Variants in CAAP1 observed in about 807,000 individuals in gnomAD.
CAAP1 encodes the protein conserved anti-apoptotic protein.
CAAP1 carries 20 observed loss-of-function variants against 34.0 expected under a neutral mutation model. The observed-to-expected ratio is 0.59, with a 90% CI of 0.41 to 0.86. The LOEUF is 0.86. Among genes scored for constraint, CAAP1 ranks in the 40% least tolerant of loss-of-function variants. CAAP1 has a pLI of 0.00. For synonymous variants in CAAP1, 213 were observed against 166.7 expected, an observed-to-expected ratio of 1.28 and a Z score of -2.14; for missense variants, 538 against 450.5, an observed-to-expected ratio of 1.19 and a Z score of -1.76.
At chr9:26,892,212 A>C (rs1823920708) in intron 1 of CAAP1, 1 of 1,389,404 alleles carries the variant, frequency 7.2e-7, no homozygotes, top group Non-Finnish European at 9.5e-7. Context: ...GAAATCCAGA[A>C]ACTTGAAGTT....
chr9:26,864,287 T>A (rs992968908), intron 4 of CAAP1, among the ~76,000 whole-genome samples: 1 of 152,114 alleles, frequency 6.6e-6, no homozygotes, highest in African/African-American at 2.4e-5. Flanking sequence ...AGTAATACAC[T>A]GGGGAGATCT....
intron 5 of CAAP1, among the ~76,000 whole-genome samples, chr9:26,857,161 G>C (rs1587096916): frequency 1.3e-5 from 2 of 152,196 alleles, no homozygotes; most frequent in South Asian, 4.1e-4. Context: ...ATGAAAAGCA[G>C]CAATCTCTGA....
intron 4 of CAAP1, among the ~76,000 whole-genome samples, chr9:26,866,142 CAT>C (rs1289983713): frequency 6.6e-6 from 1 of 151,752 alleles, no homozygotes; most frequent in Non-Finnish European, 1.5e-5. Context: ...CCACCACACA[CAT>C]GGCCAGTAAA....
At position 26,842,651 on chromosome 9, in the gene CAAP1, T is replaced by C; in HGVS notation, c.740-4A>G. ...ACATCACTATCTTCCCCTTTTCCTG[T>C]AACCAAAAAAGGAGAAAGATCCATG... is the stretch of plus-strand genomic sequence containing the variant. On this transcript the variant is annotated splice_region_variant and splice_polypyrimidine_tract_variant and intron_variant, in intron 5 of 5. Transcript: ENST00000333916. 1 of 1,575,746 alleles carries C rather than the reference T, an allele frequency of 6.3e-7. No homozygotes were observed.
chr9:26,871,464 C>A (rs1780038109), intron 4 of CAAP1, among the ~76,000 whole-genome samples: 1 of 151,708 alleles, frequency 6.6e-6, no homozygotes, highest in African/African-American at 2.4e-5. Context: ...GTAATCCCAG[C>A]TACTCAGGAG....
At chr9:26,881,392 T>A (rs1823590231) in intron 4 of CAAP1, among the ~76,000 whole-genome samples, 1 of 152,218 alleles carries the variant, frequency 6.6e-6, no homozygotes, top group Non-Finnish European at 1.5e-5. Flanking sequence ...AATTCCCACA[T>A]ATTGTAGGAG....
At chr9:26,871,163 T>C (rs1344569532) in intron 4 of CAAP1, among the ~76,000 whole-genome samples, 3 of 152,220 alleles carry the variant, frequency 2.0e-5, no homozygotes, top group African/African-American at 7.2e-5. Context: ...TACATACATA[T>C]TCAGGGAATA....
At chr9:26,878,087 G>T (rs1823489368) in intron 4 of CAAP1, among the ~76,000 whole-genome samples, 1 of 151,970 alleles carries the variant, frequency 6.6e-6, no homozygotes, top group Non-Finnish European at 1.5e-5. Context: ...GATCTAATTT[G>T]GGACTTAATG....
At chr9:26,883,406 TC>T (rs1823649814) in intron 4 of CAAP1, among the ~76,000 whole-genome samples, 1 of 152,164 alleles carries the variant, frequency 6.6e-6, no homozygotes, top group African/African-American at 2.4e-5. Context: ...TTGTGAGGCA[TC>T]CCCAGTCATG....
At position 26,886,086 on chromosome 9, in the gene CAAP1, A is replaced by G; in HGVS notation, c.589+18T>C. 7.3e-7 allele frequency: 1 copy of G among 1,370,770 alleles called. No homozygotes were observed. The highest frequency in any genetic ancestry group is 1.0e-6 in the Non-Finnish European group (1 of 1,002,366). 84.9% of individuals were successfully genotyped at this position (1,370,770 alleles called of 1,614,324 possible). On this transcript the variant is annotated intron_variant, in intron 3 of 5. Coordinates refer to ENST00000333916, the MANE Select transcript of CAAP1 (RefSeq NM_024828.4). ...ATTAACTAAGAAGTTGCCAGAATGT[A>G]AAAATATGTATTCTTACCCTCAAGA...
intron 4 of CAAP1, among the ~76,000 whole-genome samples, chr9:26,869,513 G>GAA (rs548367615): frequency 1.3e-5 from 2 of 150,436 alleles, no homozygotes; most frequent in African/African-American, 4.9e-5. Context: ...TCTGAATGTG[G>GAA]AAAAAAAAAC....
intron 1 of CAAP1, 143 bp downstream of exon 1, chr9:26,892,270 T>C (rs1405434833): frequency 2.7e-5 from 42 of 1,527,436 alleles, no homozygotes; most frequent in Non-Finnish European, 3.7e-5. Flanking sequence ...AGGACTTAGG[T>C]AGGAACATGA....
rs546081443 is a variant in CAAP1, at chr9:26,867,160, TC to T, written c.666-6022del. Among the ~76,000 whole-genome samples the T allele has an allele frequency of 2.7e-3, 418 of 152,204 alleles. 1 individual carries two copies. Among genetic ancestry groups the T allele is most frequent in the Admixed American group, 5.1e-3 (78 of 15,294 alleles). On this transcript the variant is annotated intron_variant, in intron 4 of 5. Coordinates refer to ENST00000333916, the MANE Select transcript of CAAP1 (RefSeq NM_024828.4). ...GCCTGGTATCATCCTCCCCACATAT[TC>T]CCTGATGGAAAAATCTTCTTCCATG...
At position 26,842,399 on chromosome 9, in the gene CAAP1, G is replaced by A; in HGVS notation, c.988C>T (p.Gln330Ter). The part of the protein sequence containing the change: ...TLAVPPPEDV[Q>*]PSAQQLELLE... ...AGCTCCAGTTGCTGTGCAGAAGGTT[G>A]AACATCTTCTGGTGGAGGAACAGCC... The change falls in exon 6 of 6, where the codon CAA (glutamine) becomes TAA (stop). Residue 330 changes from glutamine (Q) to a stop codon, truncating the protein, a stop_gained. Transcript: ENST00000333916. LOFTEE classifies it high-confidence loss of function. The A allele has an allele frequency of 6.2e-7, 1 of 1,614,126 alleles. No individual in the cohort carries two copies. The highest frequency in any genetic ancestry group is 8.5e-7 in the Non-Finnish European group (1 of 1,179,996).
At chr9:26,861,832 C>T (rs777285700) in intron 4 of CAAP1, among the ~76,000 whole-genome samples, 3 of 152,086 alleles carry the variant, frequency 2.0e-5, no homozygotes, top group South Asian at 4.1e-4. Flanking sequence ...TATACATATC[C>T]TAAAGCTAAC....
chr9:26,842,784 CA>C, intron 5 of CAAP1, 137 bp from the exon 6 acceptor site: 1 of 634,836 alleles, frequency 1.6e-6, no homozygotes. Context: ...ATCCCCATGC[CA>C]CCCTCTTTTC....
At chr9:26,879,008 G>T (rs1356005955) in intron 4 of CAAP1, among the ~76,000 whole-genome samples, 1 of 152,072 alleles carries the variant, frequency 6.6e-6, no homozygotes, top group Non-Finnish European at 1.5e-5. Context: ...AAAGAAAAAA[G>T]GAGCAACATT....
intron 5 of CAAP1, among the ~76,000 whole-genome samples, chr9:26,859,937 T>G (rs1179974981): frequency 6.6e-6 from 1 of 152,230 alleles, no homozygotes; most frequent in African/African-American, 2.4e-5. Flanking sequence ...ATTCGCTGTC[T>G]AACCTTTTTT....
chr9:26,860,978 G>A (rs942052953), intron 5 of CAAP1, 88 bp downstream of exon 5: 14 of 901,938 alleles, frequency 1.6e-5, no homozygotes, highest in Non-Finnish European at 2.4e-5. Context: ...GTAAAATGGG[G>A]TGAGTTAGAC....
Sources: allele counts gnomAD v4.1 joint callset (sites outside exome capture counted in the v4.1 genomes callset), GRCh38; gene constraint gnomAD v4.1.1; transcripts MANE v1.5; gene names NCBI Gene and HGNC (gene_info 2026-07-23, HGNC 2026-07-21).